Variants in VEGFD observed in about 807,000 individuals in gnomAD.
The protein encoded by VEGFD is vascular endothelial growth factor D.
Under a neutral mutation model 28.0 loss-of-function variants are expected in VEGFD, and 26 were observed. That is an observed-to-expected ratio of 0.93 (90% confidence interval 0.68 to 1.29). VEGFD has a LOEUF of 1.29. Among genes scored for constraint, VEGFD ranks in the 50% most tolerant of loss-of-function variants. VEGFD has a pLI of 0.00. For missense variants in VEGFD, 294 were observed against 273.4 expected, an observed-to-expected ratio of 1.08 and a Z score of -0.53; for synonymous variants, 93 against 95.5, an observed-to-expected ratio of 0.97 and a Z score of 0.15.
At chrX:15,358,242 G>A in intron 2 of VEGFD, 49 bp from the exon 3 acceptor site, 1 of 1,070,683 alleles carries the variant, frequency 9.3e-7, no homozygotes, top group Non-Finnish European at 1.3e-6. Context: ...GAATGGTCCT[G>A]GTGTGCCAAC....
chrX:15,350,779 TTCTC>T (rs764482426), intron 5 of VEGFD, among the ~76,000 whole-genome samples: 4 of 82,316 alleles, frequency 4.9e-5, no homozygotes, highest in Admixed American at 3.7e-4. Flanking sequence ...CTTTCTTTCT[TTCTC>T]TCTCTTTCTT....
At position 15,384,181 on chromosome X, in the gene VEGFD, C is replaced by CATG. The variant is rs1555951118; in HGVS notation, c.-236_-235insCAT. 9.9e-6 allele frequency: 3 copies of CATG among 303,908 alleles called. No homozygotes were observed. Among genetic ancestry groups the CATG allele is most frequent in the Non-Finnish European group, 5.7e-6 (1 of 174,229 alleles). 25.0% of individuals were successfully genotyped at this position (303,908 alleles called of 1,213,427 possible). Reference sequence around the variant, plus strand: ...GAGATGAAAAAAATCAAAATGTTCTCCAAAAATAATCAGAAGGTGGACATG... The same window carrying CATG: ...GAGATGAAAAAAATCAAAATGTTCTCATGCAAAAATAATCAGAAGGTGGACATG... On this transcript the variant is annotated 5_prime_UTR_variant, in exon 1 of 7. The change creates a new upstream start codon in the 5' untranslated region. Coordinates refer to ENST00000297904, the MANE Select transcript of VEGFD (RefSeq NM_004469.5).
chrX:15,362,856 C>T (rs1021385494), intron 2 of VEGFD, among the ~76,000 whole-genome samples: 1 of 111,892 alleles, frequency 8.9e-6, no homozygotes. Context: ...TTTGCCCCCA[C>T]ATCCTTGAGT....
chrX:15,360,811 A>T (rs1203201673), intron 2 of VEGFD, among the ~76,000 whole-genome samples: 2 of 112,406 alleles, frequency 1.8e-5, no homozygotes, highest in African/African-American at 3.2e-5. Context: ...AAATATTCCC[A>T]ATTTAAAATT....
intron 2 of VEGFD, among the ~76,000 whole-genome samples, chrX:15,360,304 T>C (rs920975230): frequency 9.0e-6 from 1 of 110,674 alleles, no homozygotes; most frequent in Non-Finnish European, 1.9e-5. Flanking sequence ...TTTTTTTTTA[T>C]TTTTTTCCTC....
intron 1 of VEGFD, among the ~76,000 whole-genome samples, chrX:15,377,289 T>C (rs1235636686): frequency 8.9e-6 from 1 of 112,077 alleles, no homozygotes; most frequent in Middle Eastern, 4.2e-3. Context: ...GAAATAAACC[T>C]GTCTTCCTTC....
intron 2 of VEGFD, among the ~76,000 whole-genome samples, chrX:15,360,727 GTAT>G (rs1922994586): frequency 8.9e-6 from 1 of 112,198 alleles, no homozygotes; most frequent in African/African-American, 3.2e-5. Flanking sequence ...ACTCAATTAA[GTAT>G]TATTATGGTT....
At position 15,346,036 on chromosome X, in the gene VEGFD, A is replaced by AT. The variant is rs377695936; in HGVS notation, c.*96dup. 2.2e-3 allele frequency: 2,098 copies of AT among 959,454 alleles called. 2 individuals are homozygous for AT. The highest frequency in any genetic ancestry group is 2.8e-3 in the Middle Eastern group (10 of 3,563). The allele number at this position is 959,454 out of a possible 1,213,427, so 79.1% of individuals were successfully genotyped here. A position where few individuals can be genotyped will look rare whatever the true frequency, so the allele number is the denominator to read the frequency against. ...TTCACTGTGGTGCTGTGTAAAATGG[A>AT]TTTTTTTTTTAACACCTGGGAAAAA... On this transcript the variant is annotated 3_prime_UTR_variant, in exon 7 of 7. Coordinates refer to ENST00000297904, the MANE Select transcript of VEGFD (RefSeq NM_004469.5).
At chrX:15,351,309 C>T (rs1327982831) in intron 5 of VEGFD, among the ~76,000 whole-genome samples, 38 of 104,686 alleles carry the variant, frequency 3.6e-4, no homozygotes, top group African/African-American at 1.1e-3. Flanking sequence ...TTAGTAGAGA[C>T]GGGGTTTCAC....
chrX:15,353,671 C>T (rs373377020), intron 4 of VEGFD, among the ~76,000 whole-genome samples: 1 of 109,084 alleles, frequency 9.2e-6, no homozygotes, highest in Non-Finnish European at 1.9e-5. Context: ...ACCTGGGAGG[C>T]GGAGGTTGCA....
At chrX:15,382,606 T>C (rs985149425) in intron 1 of VEGFD, among the ~76,000 whole-genome samples, 1 of 111,672 alleles carries the variant, frequency 9.0e-6, no homozygotes, top group Non-Finnish European at 1.9e-5. Context: ...AGTCAGACCG[T>C]TTTCTCCTGT....
rs1421005935 is a variant in VEGFD, at chrX:15,346,036, A to T, written c.*97T>A. 14 of 969,593 alleles carry T rather than the reference A, an allele frequency of 1.4e-5. No individual in the cohort carries two copies. Among genetic ancestry groups the T allele is most frequent in the Non-Finnish European group, 2.0e-5 (14 of 713,324 alleles). The allele number at this position is 969,593 out of a possible 1,213,427, so 79.9% of individuals were successfully genotyped here. A position where few individuals can be genotyped will look rare whatever the true frequency, so the allele number is the denominator to read the frequency against. On this transcript the variant is annotated 3_prime_UTR_variant, in exon 7 of 7. Coordinates refer to ENST00000297904, the MANE Select transcript of VEGFD (RefSeq NM_004469.5). ...TTCACTGTGGTGCTGTGTAAAATGG[A>T]TTTTTTTTTTAACACCTGGGAAAAA... is the stretch of plus-strand genomic sequence containing the variant.
At chrX:15,380,964 T>C (rs754266090) in intron 1 of VEGFD, among the ~76,000 whole-genome samples, 1 of 112,728 alleles carries the variant, frequency 8.9e-6, no homozygotes, top group Admixed American at 9.4e-5. Flanking sequence ...GGCCGTAATC[T>C]GATTATATTA....
intron 4 of VEGFD, among the ~76,000 whole-genome samples, 168 bp from the exon 5 acceptor site, chrX:15,353,336 T>C (rs1040186786): frequency 8.8e-6 from 1 of 113,019 alleles, no homozygotes; most frequent in Non-Finnish European, 1.9e-5. Flanking sequence ...TTGCACAGCA[T>C]GGTAACTATA....
chrX:15,367,565 G>A (rs1054916088), intron 1 of VEGFD, among the ~76,000 whole-genome samples: 1 of 111,821 alleles, frequency 8.9e-6, no homozygotes, highest in African/African-American at 3.3e-5. Flanking sequence ...CTGCTTCCAC[G>A]TGAAAATAAT....
intron 2 of VEGFD, among the ~76,000 whole-genome samples, chrX:15,360,678 T>C (rs1206495085): frequency 8.9e-6 from 1 of 112,125 alleles, no homozygotes; most frequent in Non-Finnish European, 1.9e-5. Flanking sequence ...TTAATATTTA[T>C]ATAAAAAGCC....
chrX:15,355,125 TAA>T (rs757253535), intron 4 of VEGFD, 23 bp downstream of exon 4: 2 of 915,229 alleles, frequency 2.2e-6, no homozygotes, highest in Non-Finnish European at 2.9e-6. Context: ...TAATCCAGTA[TAA>T]AAAAAAAAAC....
chrX:15,372,108 C>A (rs777345514), intron 1 of VEGFD, among the ~76,000 whole-genome samples: 16 of 111,852 alleles, frequency 1.4e-4, no homozygotes, highest in Non-Finnish European at 2.6e-4. Flanking sequence ...GACAAAAAGG[C>A]AGGCTTCATT....
At chrX:15,373,439 T>C (rs1334545452) in intron 1 of VEGFD, among the ~76,000 whole-genome samples, 1 of 112,446 alleles carries the variant, frequency 8.9e-6, no homozygotes, top group Non-Finnish European at 1.9e-5. Flanking sequence ...GGTCTGAGAC[T>C]ATCCTTCCAA....
Sources: allele counts gnomAD v4.1 joint callset (sites outside exome capture counted in the v4.1 genomes callset), GRCh38; gene constraint gnomAD v4.1.1; transcripts MANE v1.5; gene names NCBI Gene and HGNC (gene_info 2026-07-23, HGNC 2026-07-21).